Variants in PTPRK observed in about 807,000 individuals in gnomAD.
PTPRK encodes the protein protein tyrosine phosphatase receptor type K.
In PTPRK, 75 loss-of-function variants were observed where a neutral mutation model predicts 178.0. The ratio of observed to expected loss-of-function variants is 0.42; its 90% CI spans 0.35 to 0.51. The LOEUF is 0.51. Among genes scored for constraint, PTPRK ranks in the 20% least tolerant of loss-of-function variants. The pLI is 0.02. For synonymous variants in PTPRK, 637 were observed against 620.6 expected (o/e 1.03, Z -0.39); for missense variants, 1,441 against 1,797.8 (o/e 0.80, Z 3.59).
chr6:128,067,086 G>A (rs1781912840), intron 12 of PTPRK, among the ~76,000 whole-genome samples: 1 of 152,162 alleles, frequency 6.6e-6, no homozygotes, highest in African/African-American at 2.4e-5. Context: ...ACCCTGAAAA[G>A]TTTATAAGGT....
intron 6 of PTPRK, among the ~76,000 whole-genome samples, chr6:128,211,178 T>C (rs1808088603): frequency 1.3e-5 from 2 of 152,222 alleles, no homozygotes; most frequent in African/African-American, 4.8e-5. Context: ...AAGAGACTGT[T>C]GTATATTTAT....
At chr6:128,405,816 G>A (rs575382618) in intron 1 of PTPRK, among the ~76,000 whole-genome samples, 9 of 152,044 alleles carry the variant, frequency 5.9e-5, no homozygotes, top group African/African-American at 2.2e-4. Context: ...CCTAGAGGAA[G>A]GGCAAAGACC....
intron 13 of PTPRK, among the ~76,000 whole-genome samples, chr6:128,018,233 T>C (rs1779836053): frequency 6.6e-6 from 1 of 152,210 alleles, no homozygotes; most frequent in South Asian, 2.1e-4. Flanking sequence ...ATTTGCCCAA[T>C]GAATAGGTAA....
chr6:128,164,360 AG>A (rs1388401392), intron 7 of PTPRK, among the ~76,000 whole-genome samples: 1 of 151,366 alleles, frequency 6.6e-6, no homozygotes, highest in African/African-American at 2.4e-5. Flanking sequence ...TTATGACCCT[AG>A]GCTCATTTTC....
At chr6:128,376,568 T>C (rs186467081) in intron 2 of PTPRK, among the ~76,000 whole-genome samples, 8 of 152,284 alleles carry the variant, frequency 5.3e-5, no homozygotes, top group Admixed American at 2.0e-4. Flanking sequence ...ATTTTCCCCA[T>C]TGTCTTGGTG....
At position 128,013,481 on chromosome 6, in the gene PTPRK, C is replaced by T. The variant is rs1449179257; in HGVS notation, c.2195-4213G>A. Among the ~76,000 whole-genome samples the T allele has an allele frequency of 2.6e-5, 4 of 151,550 alleles. No homozygotes were observed. In the East Asian group the frequency reaches 7.8e-4, roughly 29 times the overall value. On this transcript the variant is annotated intron_variant, in intron 13 of 29. Coordinates refer to ENST00000368226, the MANE Select transcript of PTPRK (RefSeq NM_002844.4). ...GTCACCTTAAGCACACCATGTCCAA[C>T]CCGAACTCATAATCTTATCTCATGC... is the stretch of plus-strand genomic sequence containing the variant.
At chr6:128,270,152 T>C (rs1287985029) in intron 3 of PTPRK, among the ~76,000 whole-genome samples, 3 of 152,124 alleles carry the variant, frequency 2.0e-5, no homozygotes, top group Non-Finnish European at 4.4e-5. Context: ...TATATTATAA[T>C]TTTGGTAGAG....
intron 1 of PTPRK, among the ~76,000 whole-genome samples, chr6:128,413,617 C>T (rs183015761): frequency 3.3e-5 from 5 of 152,208 alleles, no homozygotes; most frequent in East Asian, 3.9e-4. Flanking sequence ...TGGAATGGCA[C>T]GGCACATTTG....
intron 3 of PTPRK, among the ~76,000 whole-genome samples, chr6:128,310,506 TA>T (rs1313406714): frequency 6.6e-6 from 1 of 152,170 alleles, no homozygotes; most frequent in Non-Finnish European, 1.5e-5. Context: ...AAAAATGCTG[TA>T]CCTTACACAA....
At chr6:128,380,249 A>T (rs981052307) in intron 2 of PTPRK, among the ~76,000 whole-genome samples, 11 of 152,136 alleles carry the variant, frequency 7.2e-5, no homozygotes, top group South Asian at 4.1e-4. Context: ...TAAATTCTGG[A>T]TATAGCTAAC....
At chr6:128,294,354 G>C (rs1823907764) in intron 3 of PTPRK, among the ~76,000 whole-genome samples, 1 of 151,800 alleles carries the variant, frequency 6.6e-6, no homozygotes, top group Non-Finnish European at 1.5e-5. Flanking sequence ...ATTTCTCTTG[G>C]AATGATGCAT....
intron 6 of PTPRK, among the ~76,000 whole-genome samples, chr6:128,197,599 A>C (rs1805121287): frequency 6.6e-6 from 1 of 152,062 alleles, no homozygotes; most frequent in Admixed American, 6.6e-5. Context: ...TTATAAAACC[A>C]ATGTCAATTA....
intron 7 of PTPRK, among the ~76,000 whole-genome samples, chr6:128,103,255 T>C (rs1033904440): frequency 2.0e-4 from 30 of 151,700 alleles, no homozygotes; most frequent in Non-Finnish European, 4.4e-4. Flanking sequence ...CCTTTCCGGG[T>C]CCCCATACAT....
At chr6:128,434,538 T>C (rs185493582) in intron 1 of PTPRK, among the ~76,000 whole-genome samples, 13 of 152,214 alleles carry the variant, frequency 8.5e-5, no homozygotes, top group Admixed American at 4.6e-4. Context: ...GTTTACTTAC[T>C]CAGTCATAGA....
At chr6:128,398,250 C>T (rs1206275422) in intron 1 of PTPRK, among the ~76,000 whole-genome samples, 1 of 152,082 alleles carries the variant, frequency 6.6e-6, no homozygotes, top group Non-Finnish European at 1.5e-5. Flanking sequence ...AGTGGTGGCC[C>T]GCAATCAACA....
intron 7 of PTPRK, among the ~76,000 whole-genome samples, chr6:128,133,010 T>TA (rs1390968580): frequency 3.3e-5 from 5 of 152,206 alleles, no homozygotes; most frequent in African/African-American, 1.2e-4. Flanking sequence ...GTAGAACTGA[T>TA]ACATTTCTAA....
At chr6:128,107,233 G>A (rs1343560645) in intron 7 of PTPRK, among the ~76,000 whole-genome samples, 1 of 151,868 alleles carries the variant, frequency 6.6e-6, no homozygotes, top group Non-Finnish European at 1.5e-5. Flanking sequence ...GTTTTTAGAA[G>A]AAATTTATAG....
At chr6:128,507,284 A>G (rs1856514880) in intron 1 of PTPRK, among the ~76,000 whole-genome samples, 1 of 152,150 alleles carries the variant, frequency 6.6e-6, no homozygotes, top group African/African-American at 2.4e-5. Context: ...AACCTTGGGT[A>G]TATGTAATCT....
At chr6:128,174,203 T>A (rs1800713571) in intron 7 of PTPRK, among the ~76,000 whole-genome samples, 1 of 152,028 alleles carries the variant, frequency 6.6e-6, no homozygotes, top group Admixed American at 6.6e-5. Flanking sequence ...GGTCTTCTTA[T>A]GTCTCATACA....
Sources: gnomAD v4.1 joint callset for allele counts (sites outside exome capture counted in the v4.1 genomes callset) on GRCh38, gnomAD v4.1.1 for gene constraint, MANE v1.5 for transcripts, NCBI Gene and HGNC (gene_info 2026-07-23, HGNC 2026-07-21) for gene names.